The following BICD2 variants were observed in gnomAD, a reference collection of about 807,000 sequenced individuals.
BICD2 encodes the protein protein bicaudal D homolog 2.
A neutral mutation model predicts 72.9 loss-of-function variants in BICD2; 25 were observed. That is an observed-to-expected ratio of 0.34 (90% CI 0.25 to 0.48). The LOEUF is 0.48. Ranked by LOEUF, BICD2 falls within the 20% of genes least tolerant of loss-of-function variation. The probability of loss-of-function intolerance (pLI) is 0.99; values close to 1 mark genes in which losing one functional copy is unlikely to be tolerated. For synonymous variants in BICD2, 501 were observed against 516.1 expected, an observed-to-expected ratio of 0.97 and a Z score of 0.40; for missense variants, 894 against 1,175.2, an observed-to-expected ratio of 0.76 and a Z score of 3.50.
intron 4 of BICD2, among the ~76,000 whole-genome samples, 176 bp from the exon 5 acceptor site, chr9:92,719,758 T>C (rs139180369): frequency 6.6e-4 from 101 of 152,270 alleles, no homozygotes; most frequent in African/African-American, 2.4e-3. Flanking sequence ...GTGGAAAGAA[T>C]GGAATTCATG....
At chr9:92,728,071 C>G (rs1853602533) in intron 2 of BICD2, among the ~76,000 whole-genome samples, 1 of 152,126 alleles carries the variant, frequency 6.6e-6, no homozygotes, top group Admixed American at 6.5e-5. Flanking sequence ...CCTGTTCAAG[C>G]CAGCGAGACT....
At chr9:92,757,079 C>T (rs911886478) in intron 1 of BICD2, among the ~76,000 whole-genome samples, 17 of 152,040 alleles carry the variant, frequency 1.1e-4, no homozygotes, top group Admixed American at 5.2e-4. Flanking sequence ...CTTGCTGGGC[C>T]GAGGCAGACT....
intron 2 of BICD2, 52 bp downstream of exon 2, chr9:92,728,972 A>T: frequency 6.3e-7 from 1 of 1,577,564 alleles, no homozygotes; most frequent in Non-Finnish European, 8.6e-7. Context: ...CTGCTATGTG[A>T]CACTGGTGGC....
At chr9:92,718,032 G>T in intron 5 of BICD2, 84 bp from the exon 6 acceptor site, 5 of 1,493,558 alleles carry the variant, frequency 3.3e-6, no homozygotes, top group Non-Finnish European at 4.5e-6. Context: ...GGGAGCCCCG[G>T]TCTGAAGTGG....
At chr9:92,756,246 A>G (rs1342259966) in intron 1 of BICD2, among the ~76,000 whole-genome samples, 1 of 148,700 alleles carries the variant, frequency 6.7e-6, no homozygotes, top group Non-Finnish European at 1.5e-5. Context: ...CAGCTGAAGG[A>G]GGCACCCTGG....
chr9:92,720,365 C>T lies in BICD2; in HGVS notation c.997G>A (p.Val333Ile), dbSNP rs1428592970. Residue 333 changes from valine (V) to isoleucine (I), a missense_variant, in exon 4 of 7, where the codon GTC becomes ATC. By Grantham distance (29) the Val-to-Ile change is conservative (BLOSUM62 3). Coordinates refer to ENST00000356884, the MANE Select transcript of BICD2 (RefSeq NM_001003800.2). The surrounding 1 kb of genome is among the most constrained non-coding windows in gnomAD (Gnocchi z 5.4). ...EGLAPPSPSL[V>I]SDLLSELNIS... is the part of the protein sequence containing the mutation. ...TTGAGCTCACTGAGTAGGTCGGAGA[C>T]GAGGCTGGGGGAGGGCGGTGCGAGG... The T allele has an allele frequency of 2.5e-6, 4 of 1,613,820 alleles. No individual in the cohort carries two copies. The highest frequency in any genetic ancestry group is 2.5e-6 in the Non-Finnish European group (3 of 1,180,020).
chr9:92,711,398 A>G lies in BICD2; in HGVS notation c.*3756T>C, dbSNP rs1327985013. ...CTTTTTATTATTCTTTATTGGTCCT[A>G]CCAATGTGACTCTTTACCCAGGCCC... On this transcript the variant is annotated 3_prime_UTR_variant, in exon 7 of 7. Coordinates refer to ENST00000356884, the MANE Select transcript of BICD2 (RefSeq NM_001003800.2). 6.6e-6 allele frequency: 1 copy of G among 152,534 alleles called. No individual in the cohort carries two copies. Among genetic ancestry groups the G allele is most frequent in the Admixed American group, 6.5e-5 (1 of 15,272 alleles). The allele number at this position is 152,534 out of a possible 1,614,324, so 9.4% of individuals were successfully genotyped here.
At chr9:92,728,612 G>A (rs960583132) in intron 2 of BICD2, among the ~76,000 whole-genome samples, 1 of 152,230 alleles carries the variant, frequency 6.6e-6, no homozygotes, top group African/African-American at 2.4e-5. Flanking sequence ...TCTTATTACA[G>A]CTGGGCACAG....
chr9:92,754,144 CA>C (rs59231772), intron 1 of BICD2, among the ~76,000 whole-genome samples: 56,553 of 140,144 alleles, frequency 0.4, 14,367 homozygotes, highest in African/African-American at 0.74. Context: ...GACTACATCT[CA>C]AAAAAAAAAA....
At position 92,729,203 on chromosome 9, in the gene BICD2, C is replaced by A; in HGVS notation, c.274G>T (p.Val92Leu). ...TCCCGGCTCTCTCCGTCAGCAGCCACCTTCTTGTGGTTTGTGTGTGCTTGT... is the reference window on the plus strand; with the variant it reads ...TCCCGGCTCTCTCCGTCAGCAGCCAACTTCTTGTGGTTTGTGTGTGCTTGT... ...FGQAHTNHKK[V>L]AADGESREES... Residue 92 changes from valine (V) to leucine (L), a missense_variant, in exon 2 of 7, where the codon GTG becomes TTG. Physicochemically the swap from Val to Leu is conservative, Grantham distance 32. Around this residue, in one of 5 missense-constraint regions of BICD2, gnomAD observed 192 missense variants for 243.6 expected, o/e 0.79. Coordinates refer to ENST00000356884, the MANE Select transcript of BICD2 (RefSeq NM_001003800.2). 1 of 1,614,202 alleles carries A rather than the reference C, an allele frequency of 6.2e-7. No homozygotes were observed. Among genetic ancestry groups the A allele is most frequent in the Non-Finnish European group, 8.5e-7 (1 of 1,180,046 alleles).
rs751046774 is a variant in BICD2 at position 92,718,521 on chromosome 9, T to TG, written c.2106+17dup. On this transcript the variant is annotated intron_variant, in intron 5 of 6. Transcript: ENST00000356884. The stretch of plus-strand genomic sequence containing the variant: ...GCCAGTAGTAGGTGACATGTGCCCC[T>TG]GCTGCCTGGCACCTCACCTGCTTGT... 58 of 1,593,926 alleles carry TG rather than the reference T, an allele frequency of 3.6e-5. No homozygotes were observed. The highest frequency in any genetic ancestry group is 4.6e-5 in the Non-Finnish European group (54 of 1,168,920).
intron 1 of BICD2, among the ~76,000 whole-genome samples, chr9:92,733,199 G>C (rs1853709342): frequency 6.6e-6 from 1 of 152,152 alleles, no homozygotes; most frequent in South Asian, 2.1e-4. Context: ...CATATATATG[G>C]TCAATTGATT....
intron 2 of BICD2, among the ~76,000 whole-genome samples, chr9:92,724,700 T>C (rs1030438674): frequency 1.1e-4 from 17 of 152,214 alleles, no homozygotes; most frequent in Admixed American, 3.9e-4. Context: ...GGGGGGTGGA[T>C]AGGGAGTGGG....
chr9:92,722,318 C>T (rs191019126), intron 3 of BICD2, among the ~76,000 whole-genome samples: 1 of 152,330 alleles, frequency 6.6e-6, no homozygotes, highest in Non-Finnish European at 1.5e-5. Flanking sequence ...ATATTGCAGG[C>T]CTCATGGTCA....
chr9:92,717,791 G>T lies in BICD2; in HGVS notation c.2258+6C>A. 1.2e-6 allele frequency: 2 copies of T among 1,605,748 alleles called. No individual in the cohort carries two copies. Among genetic ancestry groups the T allele is most frequent in the Non-Finnish European group, 1.7e-6 (2 of 1,176,418 alleles). On this transcript the variant is annotated splice_donor_region_variant and intron_variant, in intron 6 of 6. Transcript: ENST00000356884. ...GAAGGGGAGGGCCCGACAGCAGCAC[G>T]GTTACCTGGTGGCAAACATAGCACG...
chr9:92,730,469 TCGTCCC>T (rs1313491389), intron 1 of BICD2, among the ~76,000 whole-genome samples: 8 of 152,248 alleles, frequency 5.3e-5, no homozygotes, highest in African/African-American at 1.7e-4. Flanking sequence ...GTAACTCATT[TCGTCCC>T]AACAGGAGAC....
At chr9:92,723,649 C>A (rs10992434) in intron 2 of BICD2, among the ~76,000 whole-genome samples, 42,875 of 152,082 alleles carry the variant, frequency 0.28, 7,060 homozygotes, top group East Asian at 0.76. Context: ...ATGTGACTAT[C>A]ATAAAATACA....
At chr9:92,723,481 G>A (rs950857308) in intron 2 of BICD2, among the ~76,000 whole-genome samples, 2 of 152,202 alleles carry the variant, frequency 1.3e-5, no homozygotes, top group African/African-American at 4.8e-5. Flanking sequence ...TGCATTATAT[G>A]ATTCCATTTC....
chr9:92,753,256 A>T (rs903080067), intron 1 of BICD2, among the ~76,000 whole-genome samples: 3 of 152,236 alleles, frequency 2.0e-5, no homozygotes, highest in African/African-American at 7.2e-5. Context: ...GAGACACAAC[A>T]ACTAAATGTA....
Sources: allele counts gnomAD v4.1 joint callset (sites outside exome capture counted in the v4.1 genomes callset), GRCh38; gene constraint gnomAD v4.1.1; regional missense constraint gnomAD v4.1.1; non-coding constraint Gnocchi (gnomAD v3.1); transcripts MANE v1.5; gene names NCBI Gene and HGNC (gene_info 2026-07-23, HGNC 2026-07-21).